The following EFCAB5 variants were observed in gnomAD, a reference collection of about 807,000 sequenced individuals.
EFCAB5 encodes the protein EF-hand calcium-binding domain-containing protein 5.
A neutral mutation model predicts 167.9 loss-of-function variants in EFCAB5; 131 were observed. That is an observed-to-expected ratio of 0.78 (90% CI 0.68 to 0.90). The LOEUF is 0.90. EFCAB5 is among the 40% of genes least tolerant of loss of function. The pLI is 0.00. For missense variants in EFCAB5, 1,663 were observed against 1,745.2 expected (o/e 0.95, Z 0.84); for synonymous variants, 574 against 602.8 (o/e 0.95, Z 0.70).
chr17:30,064,609 TA>T, intron 14 of EFCAB5, among the ~76,000 whole-genome samples: 1 of 152,118 alleles, frequency 6.6e-6, no homozygotes, highest in Non-Finnish European at 1.5e-5. Context: ...TTTAACAAAA[TA>T]ATAGCTGGAA....
At chr17:30,076,228 A>G (rs750066337) in intron 14 of EFCAB5, among the ~76,000 whole-genome samples, 22 of 152,216 alleles carry the variant, frequency 1.4e-4, no homozygotes, top group Admixed American at 5.9e-4. Flanking sequence ...TTCAAGTCCA[A>G]TGGAAATAAA....
intron 22 of EFCAB5, among the ~76,000 whole-genome samples, chr17:30,093,818 G>T (rs2071245722): frequency 6.6e-6 from 1 of 152,188 alleles, no homozygotes; most frequent in Non-Finnish European, 1.5e-5. Context: ...AATCAAGAAA[G>T]TTCGTAGGTC....
At chr17:30,080,681 C>G in intron 16 of EFCAB5, 72 bp from the exon 17 acceptor site, 1 of 1,142,960 alleles carries the variant, frequency 8.7e-7, no homozygotes, top group Non-Finnish European at 1.3e-6. Context: ...GAGAATCGCT[C>G]TAGTTTCCTC....
chr17:29,976,615 AT>A (rs1196579288), intron 4 of EFCAB5, among the ~76,000 whole-genome samples: 2 of 152,244 alleles, frequency 1.3e-5, no homozygotes, highest in East Asian at 3.9e-4. Flanking sequence ...GAACTATACC[AT>A]TGTTTGTGTT....
At chr17:30,078,155 TC>T (rs1206387625) in intron 14 of EFCAB5, 59 bp from the exon 15 acceptor site, 3 of 1,508,616 alleles carry the variant, frequency 2.0e-6, no homozygotes, top group Admixed American at 2.2e-5. Flanking sequence ...AGAATGAAAA[TC>T]CCCCCCACCA....
chr17:30,031,530 G>C (rs1597698714), intron 7 of EFCAB5, among the ~76,000 whole-genome samples: 1 of 152,166 alleles, frequency 6.6e-6, no homozygotes. Flanking sequence ...AACTTACTAC[G>C]TGAAACACCC....
chr17:29,969,208 A>G lies in EFCAB5; in HGVS notation c.608A>G (p.Asp203Gly), dbSNP rs2151578927. Residue 203 changes from aspartate to glycine, a missense_variant, in exon 4 of 23, where the codon GAT becomes GGT. Physicochemically the swap from Asp to Gly is moderately conservative, Grantham distance 94. Coordinates refer to ENST00000394835, the MANE Select transcript of EFCAB5 (RefSeq NM_198529.4). ...AAGAAGAAGGTTTTGACAGAAGCTG[A>G]TACTCCAAGCAAGTTTGACCCAATT... The part of the protein sequence containing the change: ...VEKKKVLTEA[D>G]TPSKFDPINY... The G allele has an allele frequency of 6.2e-7, 1 of 1,613,942 alleles. No individual in the cohort carries two copies. Among genetic ancestry groups the G allele is most frequent in the South Asian group, 1.1e-5 (1 of 91,084 alleles).
chr17:30,008,258 A>G (rs1389799682), intron 7 of EFCAB5, among the ~76,000 whole-genome samples: 1 of 152,228 alleles, frequency 6.6e-6, no homozygotes, highest in Non-Finnish European at 1.5e-5. Flanking sequence ...AAATCATTTA[A>G]TGAGATCAAG....
chr17:29,966,173 G>A (rs2067823135), intron 3 of EFCAB5, among the ~76,000 whole-genome samples: 1 of 152,014 alleles, frequency 6.6e-6, no homozygotes, highest in Non-Finnish European at 1.5e-5. Flanking sequence ...GTTCCAGAAA[G>A]TTTTTATCAT....
intron 14 of EFCAB5, among the ~76,000 whole-genome samples, chr17:30,074,827 C>T (rs1392731418): frequency 6.6e-6 from 1 of 152,054 alleles, no homozygotes; most frequent in Non-Finnish European, 1.5e-5. Flanking sequence ...TATATTTTCC[C>T]TGCTTTCACC....
chr17:29,967,527 T>C (rs1189924565), intron 3 of EFCAB5, among the ~76,000 whole-genome samples: 4 of 152,240 alleles, frequency 2.6e-5, no homozygotes, highest in East Asian at 1.9e-4. Context: ...CCAAATTTTA[T>C]AGTGGTCTCC....
chr17:30,061,355 A>G (rs2070420500), intron 14 of EFCAB5, among the ~76,000 whole-genome samples: 1 of 152,264 alleles, frequency 6.6e-6, no homozygotes, highest in African/African-American at 2.4e-5. Context: ...CTAAATTTCA[A>G]GCATTGCCAA....
chr17:29,992,972 A>G (rs1450133375), intron 4 of EFCAB5, among the ~76,000 whole-genome samples, 193 bp from the exon 5 acceptor site: 1 of 152,248 alleles, frequency 6.6e-6, no homozygotes, highest in African/African-American at 2.4e-5. Flanking sequence ...GTCAAATAGT[A>G]GAAAGCACTC....
At chr17:30,020,915 CA>C (rs2069162610) in intron 7 of EFCAB5, among the ~76,000 whole-genome samples, 1 of 82,246 alleles carries the variant, frequency 1.2e-5, no homozygotes, top group Admixed American at 1.1e-4. Flanking sequence ...AGTGAGGAGA[CA>C]AACAGGCAAA....
At chr17:29,940,515 A>G (rs938627439), upstream of EFCAB5, among the ~76,000 whole-genome samples, 7 of 152,224 alleles carry the variant, frequency 4.6e-5, no homozygotes, top group African/African-American at 1.2e-4. Flanking sequence ...TTTAAAAGAA[A>G]TGGAAGGAAG....
At chr17:29,941,409 C>A (rs2067295739), upstream of EFCAB5, among the ~76,000 whole-genome samples, 1 of 152,028 alleles carries the variant, frequency 6.6e-6, no homozygotes, top group South Asian at 2.1e-4. Flanking sequence ...AATTAGGTAG[C>A]CATAAAAGTT....
intron 10 of EFCAB5, 50 bp from the exon 11 acceptor site, chr17:30,055,838 A>G: frequency 6.3e-7 from 1 of 1,575,686 alleles, no homozygotes; most frequent in East Asian, 2.2e-5. Context: ...AAAATAGCTA[A>G]TGGAATATGT....
chr17:30,038,552 A>G (rs955834724), intron 8 of EFCAB5, among the ~76,000 whole-genome samples: 1 of 152,220 alleles, frequency 6.6e-6, no homozygotes, highest in Non-Finnish European at 1.5e-5. Context: ...TCTGCAGCCC[A>G]TGGTCAAGGA....
chr17:30,064,196 A>G (rs1469963976), intron 14 of EFCAB5, among the ~76,000 whole-genome samples: 1 of 152,230 alleles, frequency 6.6e-6, no homozygotes, highest in Non-Finnish European at 1.5e-5. Context: ...AATTGCCAGG[A>G]AAGGAATTTA....
Sources: gnomAD v4.1 joint callset for allele counts (sites outside exome capture counted in the v4.1 genomes callset) on GRCh38, gnomAD v4.1.1 for gene constraint, MANE v1.5 for transcripts, NCBI Gene and HGNC (gene_info 2026-07-23, HGNC 2026-07-21) for gene names.